The following COG6 variants were observed in gnomAD, a reference collection of about 807,000 sequenced individuals.
COG6 encodes the protein component of oligomeric golgi complex 6.
COG6 carries 74 observed loss-of-function variants against 88.8 expected under a neutral mutation model. The observed-to-expected ratio is 0.83, with a 90% CI of 0.69 to 1.01. The LOEUF (loss-of-function observed/expected upper bound fraction) is 1.01. COG6 is among the 50% of genes least tolerant of loss of function. The pLI is 0.00. For synonymous variants in COG6, 286 were observed against 278.7 expected, an observed-to-expected ratio of 1.03 and a Z score of -0.26; for missense variants, 800 against 797.9, an observed-to-expected ratio of 1.00 and a Z score of -0.03.
Position 39,655,679 on chromosome 13 carries a change from G to A in COG6, c.-48G>A. Reference sequence around the variant, plus strand: ...TGCGCAATACTCGCGCTGCCTCCGTGGTCCCTGCCTGGCTGAGGTGGCAGC... The same window carrying A: ...TGCGCAATACTCGCGCTGCCTCCGTAGTCCCTGCCTGGCTGAGGTGGCAGC... On this transcript the variant is annotated 5_prime_UTR_variant, in exon 1 of 19. Coordinates refer to ENST00000455146, the MANE Select transcript of COG6 (RefSeq NM_020751.3). The A allele has an allele frequency of 1.9e-6, 3 of 1,552,504 alleles. No individual in the cohort carries two copies. Among genetic ancestry groups the A allele is most frequent in the Non-Finnish European group, 2.6e-6 (3 of 1,147,594 alleles).
intron 18 of COG6, among the ~76,000 whole-genome samples, chr13:39,740,367 C>T (rs1000817354): frequency 7.9e-5 from 12 of 152,188 alleles, no homozygotes; most frequent in Non-Finnish European, 7.4e-5. Context: ...CCACCATCCA[C>T]CCAAGCCCTG....
At chr13:39,786,020 G>C (rs530718128) in intron 18 of COG6, among the ~76,000 whole-genome samples, 1 of 152,278 alleles carries the variant, frequency 6.6e-6, no homozygotes, top group African/African-American at 2.4e-5. Context: ...ATAGAGCCCA[G>C]CAGTGCCTCA....
intron 11 of COG6, among the ~76,000 whole-genome samples, chr13:39,693,018 T>G (rs1477240315): frequency 6.6e-6 from 1 of 152,018 alleles, no homozygotes; most frequent in African/African-American, 2.4e-5. Flanking sequence ...TTCGTTTCTC[T>G]TGTCCTTTGT....
In COG6 at chr13:39,708,239, T is replaced by A. The variant is rs190200470; in HGVS notation, c.1284+8621T>A. On this transcript the variant is annotated intron_variant, in intron 13 of 18. Coordinates refer to ENST00000455146, the MANE Select transcript of COG6 (RefSeq NM_020751.3). Reference sequence around the variant, plus strand: ...CCTTACTGGGTTGTTACCTTTTTCTTATTGACTTATAAGAGTTTTCAAACA... The same window carrying A: ...CCTTACTGGGTTGTTACCTTTTTCTAATTGACTTATAAGAGTTTTCAAACA... Among the ~76,000 whole-genome samples, 162 of 152,338 alleles carry A rather than the reference T, an allele frequency of 1.1e-3. 2 individuals are homozygous for A. The highest frequency in any genetic ancestry group is 3.4e-3 in the Middle Eastern group (1 of 294).
In COG6 at chr13:39,775,314, C is replaced by G. The variant is rs571714104; in HGVS notation, c.1827-13021C>G. Among the ~76,000 whole-genome samples, 10 of 152,248 alleles carry G rather than the reference C, an allele frequency of 6.6e-5. No homozygotes were observed. The South Asian group carries it at 1.9e-3, about 28-fold the overall frequency. The stretch of plus-strand genomic sequence containing the variant: ...AAAAAGTGTAGAACAGTGGAGGGCA[C>G]AAAATCAGCATTCACTGGATGTTAG... On this transcript the variant is annotated intron_variant, in intron 18 of 18. Coordinates refer to the COG6 transcript ENST00000416691.
chr13:39,677,615 A>T, intron 5 of COG6, 36 bp downstream of exon 5: 1 of 1,262,864 alleles, frequency 7.9e-7, no homozygotes, highest in East Asian at 2.3e-5. Flanking sequence ...TTTAAAGTTT[A>T]GTAGTTACAG....
chr13:39,735,060 C>G (rs1879662292), intron 18 of COG6, among the ~76,000 whole-genome samples: 2 of 151,784 alleles, frequency 1.3e-5, no homozygotes, highest in Non-Finnish European at 2.9e-5. Context: ...ATCCATTCAA[C>G]CACTCTGTGA....
chr13:39,765,890 C>A (rs906130872), intron 18 of COG6, among the ~76,000 whole-genome samples: 1 of 152,228 alleles, frequency 6.6e-6, no homozygotes, highest in Non-Finnish European at 1.5e-5. Context: ...TCTAACCGAG[C>A]ACATATTCTG....
At chr13:39,720,391 G>A (rs1413375822) in intron 15 of COG6, among the ~76,000 whole-genome samples, 3 of 151,986 alleles carry the variant, frequency 2.0e-5, no homozygotes, top group Non-Finnish European at 4.4e-5. Flanking sequence ...TTAGTAGATA[G>A]TTGGATTCCA....
chr13:39,700,477 G>T (rs1027610686), intron 13 of COG6, among the ~76,000 whole-genome samples: 15 of 151,816 alleles, frequency 9.9e-5, no homozygotes, highest in Non-Finnish European at 1.3e-4. Flanking sequence ...TGTGGAGCTG[G>T]AATATCTACC....
At chr13:39,763,867 A>G (rs1249541739) in intron 18 of COG6, among the ~76,000 whole-genome samples, 1 of 151,776 alleles carries the variant, frequency 6.6e-6, no homozygotes, top group Admixed American at 6.6e-5. Flanking sequence ...ATTGCCCTGT[A>G]ATTTTCCTTT....
At chr13:39,786,617 A>T (rs4303351) in intron 18 of COG6, among the ~76,000 whole-genome samples, 15 of 152,036 alleles carry the variant, frequency 9.9e-5, no homozygotes, top group Non-Finnish European at 2.1e-4. Context: ...AACTTTACAA[A>T]GGTGGCATTT....
chr13:39,671,805 T>G (rs1012687835), intron 4 of COG6, among the ~76,000 whole-genome samples: 2 of 151,958 alleles, frequency 1.3e-5, no homozygotes, highest in Non-Finnish European at 2.9e-5. Flanking sequence ...ATTATATATT[T>G]TCCATGTTCA....
chr13:39,784,261 G>A (rs1328692506), intron 18 of COG6, among the ~76,000 whole-genome samples: 4 of 152,192 alleles, frequency 2.6e-5, no homozygotes, highest in Non-Finnish European at 5.9e-5. Context: ...CTCAGGTGCA[G>A]AACCCGTCAG....
At chr13:39,662,293 A>G (rs1874952799) in intron 3 of COG6, among the ~76,000 whole-genome samples, 1 of 151,706 alleles carries the variant, frequency 6.6e-6, no homozygotes, top group Admixed American at 6.6e-5. Flanking sequence ...TGCCTGGCTG[A>G]TTTTTGTGTT....
At chr13:39,746,839 T>G (rs1880376179) in intron 18 of COG6, among the ~76,000 whole-genome samples, 1 of 152,190 alleles carries the variant, frequency 6.6e-6, no homozygotes, top group South Asian at 2.1e-4. Context: ...TATAGAAACA[T>G]TCATTTATAT....
chr13:39,745,728 A>G (rs1191981918), intron 18 of COG6, among the ~76,000 whole-genome samples: 1 of 152,206 alleles, frequency 6.6e-6, no homozygotes, highest in East Asian at 1.9e-4. Flanking sequence ...TGAATCCATT[A>G]CTGGGTATAT....
At chr13:39,663,168 G>T (rs1486698587) in intron 3 of COG6, among the ~76,000 whole-genome samples, 2 of 151,788 alleles carry the variant, frequency 1.3e-5, no homozygotes, top group Non-Finnish European at 2.9e-5. Context: ...AATGGAGATT[G>T]AGGTTAATCT....
At chr13:39,754,934 A>C (rs938291652), downstream of COG6, among the ~76,000 whole-genome samples, 1 of 152,214 alleles carries the variant, frequency 6.6e-6, no homozygotes, top group Non-Finnish European at 1.5e-5. Flanking sequence ...CACAGAAAAC[A>C]AAGTTTCAAA....
Sources: allele counts gnomAD v4.1 joint callset (sites outside exome capture counted in the v4.1 genomes callset), GRCh38; gene constraint gnomAD v4.1.1; transcripts MANE v1.5; gene names NCBI Gene and HGNC (gene_info 2026-07-23, HGNC 2026-07-21).